Variants in ADAMTS20 observed in about 807,000 individuals in gnomAD.
ADAMTS20 encodes the protein A disintegrin and metalloproteinase with thrombospondin motifs 20.
ADAMTS20 carries 225 observed loss-of-function variants against 260.1 expected under a neutral mutation model. That is an observed-to-expected ratio of 0.87 (90% CI 0.78 to 0.97). The LOEUF is 0.97. Ranked by LOEUF, ADAMTS20 falls within the 50% of genes least tolerant of loss-of-function variation. The probability of loss-of-function intolerance (pLI) is 0.00; values close to 1 mark genes in which losing one functional copy is unlikely to be tolerated. For missense variants in ADAMTS20, 2,400 were observed against 2,337.7 expected, an observed-to-expected ratio of 1.03 and a Z score of -0.55; for synonymous variants, 802 against 769.5, an observed-to-expected ratio of 1.04 and a Z score of -0.70.
At chr12:43,397,038 T>C (rs1450542099) in intron 29 of ADAMTS20, among the ~76,000 whole-genome samples, 1 of 152,108 alleles carries the variant, frequency 6.6e-6, no homozygotes, top group African/African-American at 2.4e-5. Flanking sequence ...TTCACACGCT[T>C]AGGGGAAAGC....
intron 3 of ADAMTS20, among the ~76,000 whole-genome samples, chr12:43,506,624 C>A (rs1273192441): frequency 6.6e-6 from 1 of 151,934 alleles, no homozygotes; most frequent in South Asian, 2.1e-4. Flanking sequence ...GGATAACAGG[C>A]GTGCGCCACC....
intron 31 of ADAMTS20, among the ~76,000 whole-genome samples, chr12:43,382,777 T>C (rs1940382106): frequency 6.6e-6 from 1 of 151,634 alleles, no homozygotes; most frequent in Non-Finnish European, 1.5e-5. Context: ...ATGGAAGATA[T>C]AAAAAAGCTG....
chr12:43,534,698 G>A lies in ADAMTS20; in HGVS notation c.454-2503C>T, dbSNP rs147944691. On this transcript the variant is annotated intron_variant, in intron 2 of 38. Coordinates refer to ENST00000389420, the MANE Select transcript of ADAMTS20 (RefSeq NM_025003.5). ...GTAGTGATATAGAAAGAACTCCAAT[G>A]CATATCATTACACCAAAACAAAAAA... Among the ~76,000 whole-genome samples, 14 of 152,094 alleles carry A rather than the reference G, an allele frequency of 9.2e-5. No homozygotes were observed. In the South Asian group the frequency reaches 1.0e-3, roughly 11 times the overall value.
intron 3 of ADAMTS20, among the ~76,000 whole-genome samples, chr12:43,529,690 A>G (rs1943194390): frequency 6.6e-6 from 1 of 152,122 alleles, no homozygotes; most frequent in Non-Finnish European, 1.5e-5. Flanking sequence ...ATAAAAATCT[A>G]CATATGAGGT....
chr12:43,503,082 G>A (rs1282188897), intron 3 of ADAMTS20, among the ~76,000 whole-genome samples: 7 of 152,114 alleles, frequency 4.6e-5, no homozygotes, highest in South Asian at 4.2e-4. Context: ...TAAGTCCTAC[G>A]CACTTACAGA....
At chr12:43,468,505 C>T (rs1368771277) in intron 8 of ADAMTS20, 95 bp downstream of exon 8, 4 of 788,654 alleles carry the variant, frequency 5.1e-6, no homozygotes, top group Non-Finnish European at 8.4e-6. Context: ...TATGAAGAAA[C>T]AAAGGTACTA....
At chr12:43,533,307 G>C (rs1471084310) in intron 2 of ADAMTS20, among the ~76,000 whole-genome samples, 1 of 151,238 alleles carries the variant, frequency 6.6e-6, no homozygotes, top group Non-Finnish European at 1.5e-5. Flanking sequence ...GATGGCCAGT[G>C]ATGATGAGCA....
At chr12:43,375,619 T>C (rs1940209441) in intron 35 of ADAMTS20, 107 bp from the exon 36 acceptor site, 6 of 1,233,846 alleles carry the variant, frequency 4.9e-6, no homozygotes, top group South Asian at 1.3e-5. Context: ...TTTAATATTA[T>C]AGTGTCAACA....
At chr12:43,508,938 T>G (rs191600235) in intron 3 of ADAMTS20, among the ~76,000 whole-genome samples, 2 of 152,074 alleles carry the variant, frequency 1.3e-5, no homozygotes, top group African/African-American at 4.8e-5. Context: ...AGTGTGTGTT[T>G]TTCCCCTCCC....
At chr12:43,454,085 G>A in intron 11 of ADAMTS20, 33 bp from the exon 12 acceptor site, 1 of 1,601,692 alleles carries the variant, frequency 6.2e-7, no homozygotes, top group Admixed American at 1.7e-5. Flanking sequence ...AAGAAATGAT[G>A]TGTGTCTCTA....
intron 3 of ADAMTS20, among the ~76,000 whole-genome samples, chr12:43,513,608 A>C (rs1942954726): frequency 6.6e-6 from 1 of 152,210 alleles, no homozygotes; most frequent in Admixed American, 6.5e-5. Context: ...AAACACATGT[A>C]CACGTATGTT....
chr12:43,362,836 A>G (rs990152129), intron 37 of ADAMTS20, among the ~76,000 whole-genome samples: 5 of 151,826 alleles, frequency 3.3e-5, no homozygotes, highest in African/African-American at 9.7e-5. Context: ...ATTAGAAAAA[A>G]AAAAAAAAAG....
chr12:43,396,619 C>T (rs1940709445), intron 29 of ADAMTS20, among the ~76,000 whole-genome samples: 1 of 152,070 alleles, frequency 6.6e-6, no homozygotes, highest in South Asian at 2.1e-4. Context: ...AAAACTAATT[C>T]AAGGAGAAGC....
At chr12:43,524,870 A>C (rs937060635) in intron 3 of ADAMTS20, among the ~76,000 whole-genome samples, 1 of 152,218 alleles carries the variant, frequency 6.6e-6, no homozygotes, top group Non-Finnish European at 1.5e-5. Flanking sequence ...AAACAATCCA[A>C]GTCTGGGATT....
chr12:43,492,258 T>C (rs1942611195), intron 6 of ADAMTS20, among the ~76,000 whole-genome samples: 1 of 151,856 alleles, frequency 6.6e-6, no homozygotes, highest in Non-Finnish European at 1.5e-5. Flanking sequence ...CGGGCGCCTG[T>C]AGTCCCAGCT....
intron 19 of ADAMTS20, among the ~76,000 whole-genome samples, chr12:43,433,074 A>G (rs940637770): frequency 6.6e-6 from 1 of 152,162 alleles, no homozygotes; most frequent in Non-Finnish European, 1.5e-5. Flanking sequence ...TGATTACCCA[A>G]TTACTTAGTG....
At chr12:43,512,419 A>G (rs1942937868) in intron 3 of ADAMTS20, among the ~76,000 whole-genome samples, 1 of 151,482 alleles carries the variant, frequency 6.6e-6, no homozygotes, top group South Asian at 2.1e-4. Context: ...TTGTAATATA[A>G]CTAATAAAAT....
chr12:43,517,744 G>C (rs1415080325), intron 3 of ADAMTS20, among the ~76,000 whole-genome samples: 5 of 152,012 alleles, frequency 3.3e-5, no homozygotes, highest in Non-Finnish European at 7.4e-5. Context: ...GAAGAAGAAT[G>C]AAGTCAAAGG....
At chr12:43,522,814 T>C (rs10785439) in intron 3 of ADAMTS20, among the ~76,000 whole-genome samples, 106,297 of 151,980 alleles carry the variant, frequency 0.7, 37,460 homozygotes, top group East Asian at 0.99. Flanking sequence ...ATCTGATATC[T>C]ATTTGAGAGC....
Sources: allele counts gnomAD v4.1 joint callset (sites outside exome capture counted in the v4.1 genomes callset), GRCh38; gene constraint gnomAD v4.1.1; transcripts MANE v1.5; gene names NCBI Gene and HGNC (gene_info 2026-07-23, HGNC 2026-07-21).